The following ARMCX4 variants were observed in gnomAD, a reference collection of about 807,000 sequenced individuals.
ARMCX4 encodes the protein armadillo repeat-containing X-linked protein 4.
A neutral mutation model predicts 34.7 loss-of-function variants in ARMCX4; 3 were observed. That is an observed-to-expected ratio of 0.09 (90% CI 0.04 to 0.22). The LOEUF (loss-of-function observed/expected upper bound fraction) is 0.22, where lower values mean the gene tolerates loss of function less well. ARMCX4 is among the 10% of genes least tolerant of loss of function. The pLI is 1.00. For missense variants in ARMCX4, 1,448 were observed against 1,720.8 expected, an observed-to-expected ratio of 0.84 and a Z score of 2.81; for synonymous variants, 513 against 632.8, an observed-to-expected ratio of 0.81 and a Z score of 2.84.
intron 4 of ARMCX4, among the ~76,000 whole-genome samples, chrX:101,471,447 T>C (rs1484202062): frequency 5.3e-5 from 6 of 112,660 alleles, no homozygotes; most frequent in African/African-American, 1.6e-4. Flanking sequence ...CTTTGGCTTC[T>C]ACTTCTAGTA....
At chrX:101,507,753 T>G (rs1288678844) in intron 8 of ARMCX4, among the ~76,000 whole-genome samples, 3 of 112,126 alleles carry the variant, frequency 2.7e-5, no homozygotes, top group Non-Finnish European at 5.6e-5. Context: ...CTGGTAATTA[T>G]TGGATATAAA....
chrX:101,492,548 A>G lies in ARMCX4; in HGVS notation c.3959A>G (p.Glu1320Gly). 8.8e-7 allele frequency: 1 copy of G among 1,136,659 alleles called. No individual in the cohort carries two copies. The highest frequency in any genetic ancestry group is 1.8e-5 in the African/African-American group (1 of 54,970). 93.7% of individuals were successfully genotyped at this position (1,136,659 alleles called of 1,213,427 possible). A position where few individuals can be genotyped will look rare whatever the true frequency, so the allele number is the denominator to read the frequency against. ...GGTGGTGGGTCCAAGCCTAGATTTG[A>G]GGATCAAGCCAGTGGAGAAGGGTCC... The part of the protein sequence containing the change: ...QSGGGSKPRF[E>G]DQASGEGSWA... Residue 1320 changes from glutamate (E) to glycine (G), a missense_variant, in exon 6 of 6, where the codon GAG becomes GGG. By Grantham distance (98) the Glu-to-Gly change is moderately conservative. Coordinates refer to ENST00000423738, the MANE Select transcript of ARMCX4 (RefSeq NM_001256155.3).
chrX:101,471,095 A>T (rs1932890567), intron 4 of ARMCX4, among the ~76,000 whole-genome samples: 1 of 112,212 alleles, frequency 8.9e-6, no homozygotes, highest in East Asian at 2.8e-4. Context: ...CTAGATATCT[A>T]CCATTGCAAA....
chrX:101,420,236 G>T (rs541744111), intron 2 of ARMCX4, among the ~76,000 whole-genome samples: 1 of 111,803 alleles, frequency 8.9e-6, no homozygotes, highest in East Asian at 2.8e-4. Flanking sequence ...GTGTGCGCCT[G>T]TAATCCCAGC....
In ARMCX4 at chrX:101,431,644, T is replaced by C. The variant is rs373295344; in HGVS notation, n.165-12408T>C. Reference sequence around the variant, plus strand: ...CTGCAAGCTCTGCCTTCCGGGTTCATGCCATTCTCCTGCCTCAGCCTCCCG... The same window carrying C: ...CTGCAAGCTCTGCCTTCCGGGTTCACGCCATTCTCCTGCCTCAGCCTCCCG... On this transcript the variant is annotated intron_variant and non_coding_transcript_variant, in intron 2 of 3. Coordinates refer to the ARMCX4 transcript ENST00000430461. 9.2e-4 allele frequency among the ~76,000 whole-genome samples: 102 copies of C among 111,144 alleles called. No individual in the cohort carries two copies. The East Asian group carries it at 0.02, about 22-fold the overall frequency.
At chrX:101,435,992 T>C (rs1177010792) in intron 2 of ARMCX4, among the ~76,000 whole-genome samples, 10 of 111,443 alleles carry the variant, frequency 9.0e-5, no homozygotes, top group Non-Finnish European at 1.9e-4. Context: ...TGTTCTGTTC[T>C]ATTGGTCTAT....
chrX:101,421,991 G>GTTGTTA (rs781995478), intron 2 of ARMCX4, among the ~76,000 whole-genome samples: 5,919 of 96,323 alleles, frequency 0.061, 191 homozygotes, highest in South Asian at 0.26. Flanking sequence ...TGGGGGATCA[G>GTTGTTA]TTATTATTAT....
At chrX:101,440,272 G>A (rs782711832) in intron 2 of ARMCX4, among the ~76,000 whole-genome samples, 1 of 112,127 alleles carries the variant, frequency 8.9e-6, no homozygotes, top group East Asian at 2.8e-4. Context: ...GGTATCAGCA[G>A]CAGAGGCTGC....
intron 4 of ARMCX4, among the ~76,000 whole-genome samples, chrX:101,474,954 G>C (rs1422626703): frequency 9.9e-6 from 1 of 100,828 alleles, no homozygotes; most frequent in African/African-American, 3.7e-5. Flanking sequence ...TGGAAGTTCT[G>C]GCCAGGGCAA....
chrX:101,462,250 T>G (rs781950986), intron 4 of ARMCX4, among the ~76,000 whole-genome samples: 1 of 112,005 alleles, frequency 8.9e-6, no homozygotes, highest in Non-Finnish European at 1.9e-5. Context: ...AATCTTTGGG[T>G]CAGGGAGTGA....
chrX:101,435,431 G>A (rs1257963291), intron 2 of ARMCX4, among the ~76,000 whole-genome samples: 1 of 111,473 alleles, frequency 9.0e-6, no homozygotes, highest in Non-Finnish European at 1.9e-5. Flanking sequence ...CTGCATAAAT[G>A]TCTTCTTTTG....
intron 2 of ARMCX4, among the ~76,000 whole-genome samples, chrX:101,426,863 A>T (rs1929653539): frequency 9.0e-6 from 1 of 111,691 alleles, no homozygotes. Flanking sequence ...TATCCTAAAA[A>T]TAGGTCCTGA....
upstream of ARMCX4, among the ~76,000 whole-genome samples, chrX:101,485,048 C>T (rs1933630317): frequency 1.8e-5 from 2 of 108,818 alleles, no homozygotes; most frequent in South Asian, 8.0e-4. Context: ...GTGTAGGGGG[C>T]GGGTGGGGAG....
At chrX:101,470,229 G>A (rs782512614) in intron 4 of ARMCX4, among the ~76,000 whole-genome samples, 4 of 111,698 alleles carry the variant, frequency 3.6e-5, no homozygotes, top group Admixed American at 9.4e-5. Context: ...GATTAGTTTC[G>A]TTTGTTTTTA....
chrX:101,462,194 C>T (rs1229477375), intron 4 of ARMCX4, among the ~76,000 whole-genome samples: 2 of 111,823 alleles, frequency 1.8e-5, no homozygotes, highest in African/African-American at 6.5e-5. Context: ...TAGTAAATTA[C>T]GTGTACATAA....
chrX:101,531,777 A>G (rs953354715), exon 12 of ARMCX4: 1 of 111,762 alleles, frequency 8.9e-6, no homozygotes, highest in Non-Finnish European at 1.9e-5. Flanking sequence ...ATAAGACACC[A>G]TTCCTTAGGG....
rs1934132203 is a variant in ARMCX4, at chrX:101,494,555, C to T, written c.5966C>T (p.Ser1989Leu). The change falls in exon 6 of 6, where the codon TCA becomes TTA. Residue 1989 changes from serine (S) to leucine (L), a missense_variant. Ser to Leu is a moderately radical substitution (Grantham distance 145). Transcript: ENST00000423738. ...PYMVPGAGMG[S>L]WDGAMIWSET... ...ATGGTCCCTGGGGCAGGAATGGGGTCATGGGATGGAGCCATGATCTGGTCG... is the reference window on the plus strand; with the variant it reads ...ATGGTCCCTGGGGCAGGAATGGGGTTATGGGATGGAGCCATGATCTGGTCG... The T allele has an allele frequency of 8.7e-7, 1 of 1,155,446 alleles. No individual in the cohort carries two copies. Among genetic ancestry groups the T allele is most frequent in the South Asian group, 1.9e-5 (1 of 52,706 alleles).
At chrX:101,515,360 T>TTTCTTTCTTTCTTTCTTTCC (rs1934691602) in intron 11 of ARMCX4, among the ~76,000 whole-genome samples, 1 of 49,072 alleles carries the variant, frequency 2.0e-5, no homozygotes, top group Non-Finnish European at 3.8e-5. Context: ...TCTTTCTTTC[T>TTTCTTTCTTTCTTTCTTTCC]TTCTTTCTTT....
downstream of ARMCX4, among the ~76,000 whole-genome samples, chrX:101,500,321 A>T (rs1170529460): frequency 1.8e-5 from 2 of 111,598 alleles, no homozygotes; most frequent in African/African-American, 3.3e-5. Flanking sequence ...GCCCTATAGT[A>T]GTTCTTTGGC....
Sources: gnomAD v4.1 joint callset for allele counts (sites outside exome capture counted in the v4.1 genomes callset) on GRCh38, gnomAD v4.1.1 for gene constraint, MANE v1.5 for transcripts, NCBI Gene and HGNC (gene_info 2026-07-23, HGNC 2026-07-21) for gene names.